Variants in TARS3 observed in about 807,000 individuals in gnomAD.
TARS3 encodes threonyl-tRNA synthetase 3.
Under a neutral mutation model 103.5 loss-of-function variants are expected in TARS3, and 94 were observed. That is an observed-to-expected ratio of 0.91 (90% CI 0.77 to 1.08). The LOEUF (loss-of-function observed/expected upper bound fraction) is 1.08. TARS3 is among the 50% of genes least tolerant of loss of function. The pLI is 0.00. For synonymous variants in TARS3, 416 were observed against 355.4 expected (o/e 1.17, Z -1.92); for missense variants, 952 against 995.2 (o/e 0.96, Z 0.58).
intron 11 of TARS3, 24 bp from the exon 12 acceptor site, chr15:101,684,261 A>G: frequency 6.2e-7 from 1 of 1,609,870 alleles, no homozygotes; most frequent in East Asian, 2.2e-5. Context: ...GGTAACACAC[A>G]GCTTTTACAC....
chr15:101,721,973 A>C (rs1900488159), intron 2 of TARS3, among the ~76,000 whole-genome samples: 1 of 152,270 alleles, frequency 6.6e-6, no homozygotes, highest in African/African-American at 2.4e-5. Flanking sequence ...ACTGTAAGCT[A>C]ATCTAAGTGT....
At chr15:101,667,219 G>T (rs932910757) in intron 15 of TARS3, among the ~76,000 whole-genome samples, 3 of 152,008 alleles carry the variant, frequency 2.0e-5, no homozygotes, top group African/African-American at 4.8e-5. Flanking sequence ...AGGCTTTGTT[G>T]TTGCATTTCT....
At chr15:101,671,454 T>G in intron 15 of TARS3, 32 bp downstream of exon 15, 1 of 1,474,956 alleles carries the variant, frequency 6.8e-7, no homozygotes, top group Non-Finnish European at 9.4e-7. Context: ...AGAATATTAG[T>G]ACTATAATAT....
chr15:101,697,621 C>T (rs1288872987), intron 10 of TARS3, among the ~76,000 whole-genome samples: 4 of 152,106 alleles, frequency 2.6e-5, no homozygotes, highest in African/African-American at 9.7e-5. Context: ...AAAAGACTCA[C>T]GAGGCTTCAG....
rs774827791 is a variant in TARS3, at chr15:101,724,146, C to A, written c.242G>T (p.Arg81Leu). 2.1e-6 allele frequency: 3 copies of A among 1,457,888 alleles called. No individual in the cohort carries two copies. Among genetic ancestry groups the A allele is most frequent in the Non-Finnish European group, 2.7e-6 (3 of 1,105,824 alleles). The allele number at this position is 1,457,888 out of a possible 1,614,324, so 90.3% of individuals were successfully genotyped here. Reference sequence around the variant, plus strand: ...CTCCGCGCTCTCCAGCGTGGCCTGGCGGCTCCGCTCCTCGGCGAGGCACAG... The same window carrying A: ...CTCCGCGCTCTCCAGCGTGGCCTGGAGGCTCCGCTCCTCGGCGAGGCACAG... ...LRLCLAEERS[R>L]QATLESAELE... Residue 81 changes from arginine to leucine, a missense_variant, in exon 1 of 19, where the codon CGC becomes CTC. Transcript: ENST00000335968.
chr15:101,664,081 C>G (rs1897485209), intron 15 of TARS3: 1 of 152,180 alleles, frequency 6.6e-6, no homozygotes, highest in South Asian at 2.1e-4. Context: ...CTGAGCAAAT[C>G]ACATCAGTTC....
At chr15:101,675,052 A>G (rs549183228) in intron 13 of TARS3, among the ~76,000 whole-genome samples, 10 of 152,202 alleles carry the variant, frequency 6.6e-5, no homozygotes, top group African/African-American at 2.4e-4. Context: ...GAACACAGGA[A>G]ACACACTATA....
intron 16 of TARS3, among the ~76,000 whole-genome samples, chr15:101,659,182 C>G (rs2141379403): frequency 6.6e-6 from 1 of 152,324 alleles, no homozygotes; most frequent in South Asian, 2.1e-4. Flanking sequence ...TAGGTATAAA[C>G]AGTGTCCGCT....
At chr15:101,706,464 C>T (rs1899568418) in intron 6 of TARS3, among the ~76,000 whole-genome samples, 1 of 152,104 alleles carries the variant, frequency 6.6e-6, no homozygotes, top group Non-Finnish European at 1.5e-5. Flanking sequence ...TTAATTGCAA[C>T]TTTTACTTTT....
chr15:101,675,666 T>C lies in TARS3; in HGVS notation c.1722A>G (p.Gln574=), dbSNP rs772790982. Residue 574 remains glutamine, a synonymous_variant, in exon 13 of 19, where the codon CAA becomes CAG. Coordinates refer to ENST00000335968, the MANE Select transcript of TARS3 (RefSeq NM_152334.3). ...TTTCCGGCCTTGTTGACAGGTTTAA[T>C]TGAAAGGAGAAGCCAAATGTTGAGT... The part of the protein sequence containing the change: ...SVYSTFGFSF[Q]LNLSTRPENF... 3 of 1,614,140 alleles carry C rather than the reference T, an allele frequency of 1.9e-6. No individual in the cohort carries two copies. Among genetic ancestry groups the C allele is most frequent in the Non-Finnish European group, 2.5e-6 (3 of 1,180,010 alleles).
intron 15 of TARS3, among the ~76,000 whole-genome samples, chr15:101,669,675 C>G (rs1897720914): frequency 6.6e-6 from 1 of 152,198 alleles, no homozygotes; most frequent in African/African-American, 2.4e-5. Context: ...CACTGTGTTA[C>G]AGTTGCCTAC....
chr15:101,666,687 T>C (rs1331886161), intron 15 of TARS3, among the ~76,000 whole-genome samples: 1 of 152,044 alleles, frequency 6.6e-6, no homozygotes, highest in African/African-American at 2.4e-5. Context: ...TGAAAGAAAA[T>C]AAGGCAATTC....
intron 6 of TARS3, among the ~76,000 whole-genome samples, chr15:101,708,014 G>A (rs149693238): frequency 1.0e-3 from 159 of 152,096 alleles, no homozygotes; most frequent in African/African-American, 3.5e-3. Flanking sequence ...GAGGCTGAGG[G>A]GGGTAGATCA....
Position 101,711,913 on chromosome 15 carries a change from T to C in TARS3, c.779A>G (p.Asn260Ser). 6.2e-7 allele frequency: 1 copy of C among 1,613,920 alleles called. No individual in the cohort carries two copies. Among genetic ancestry groups the C allele is most frequent in the Non-Finnish European group, 8.5e-7 (1 of 1,179,850 alleles). Residue 260 changes from asparagine (N) to serine (S), a missense_variant, in exon 5 of 19, where the codon AAT becomes AGT. This residue lies in a region of TARS3 where 412 missense variants were observed against 364.2 expected (regional missense o/e 1.13). Coordinates refer to ENST00000335968, the MANE Select transcript of TARS3 (RefSeq NM_152334.3). ...AATGAACATGTCATAATAAAATCCA[T>C]TTTCAATGGGCGGACCGTAGCACAG... Reference protein sequence around the residue: ...GHLCYGPPIENGFYYDMFIED... With the variant: ...GHLCYGPPIESGFYYDMFIED...
chr15:101,678,143 C>T (rs1190751032), intron 12 of TARS3, among the ~76,000 whole-genome samples: 1 of 151,910 alleles, frequency 6.6e-6, no homozygotes, highest in Non-Finnish European at 1.5e-5. Context: ...CCACACCCAG[C>T]TAATTTATGT....
intron 10 of TARS3, among the ~76,000 whole-genome samples, chr15:101,691,633 A>T (rs1166411742): frequency 1.3e-5 from 2 of 152,162 alleles, no homozygotes; most frequent in Admixed American, 1.3e-4. Flanking sequence ...TCACAACATG[A>T]TGTTATAGGA....
At chr15:101,671,631 C>G (rs745761026) in intron 14 of TARS3, 40 bp downstream of exon 14, 1 of 1,611,072 alleles carries the variant, frequency 6.2e-7, no homozygotes, top group Admixed American at 1.7e-5. Flanking sequence ...ATTTATTTTT[C>G]TTTTACATTT....
At chr15:101,701,411 C>A (rs536649486) in intron 9 of TARS3, among the ~76,000 whole-genome samples, 5 of 152,164 alleles carry the variant, frequency 3.3e-5, no homozygotes, top group Non-Finnish European at 5.9e-5. Flanking sequence ...CTATTCTCTG[C>A]GAATTTTCTT....
In TARS3 at chr15:101,685,825, A is replaced by G. The variant is rs1596304508; in HGVS notation, c.1487+71T>C. ...AAGGGACTCTTTCATTCCACAAAGCATTAAAAGATAATTGTGACGAAGCGT... is the reference window on the plus strand; with the variant it reads ...AAGGGACTCTTTCATTCCACAAAGCGTTAAAAGATAATTGTGACGAAGCGT... On this transcript the variant is annotated intron_variant, in intron 11 of 18. Coordinates refer to ENST00000335968, the MANE Select transcript of TARS3 (RefSeq NM_152334.3). 4 of 1,290,116 alleles carry G rather than the reference A, an allele frequency of 3.1e-6. No individual in the cohort carries two copies. The East Asian group carries it at 9.8e-5, about 32-fold the overall frequency. The allele number at this position is 1,290,116 out of a possible 1,614,324, so 79.9% of individuals were successfully genotyped here. A position where few individuals can be genotyped will look rare whatever the true frequency, so the allele number is the denominator to read the frequency against.
Sources: allele counts gnomAD v4.1 joint callset (sites outside exome capture counted in the v4.1 genomes callset), GRCh38; gene constraint gnomAD v4.1.1; regional missense constraint gnomAD v4.1.1; transcripts MANE v1.5; gene names NCBI Gene and HGNC (gene_info 2026-07-23, HGNC 2026-07-21).